Variants in FBLN1 observed in about 807,000 individuals in gnomAD.
FBLN1 encodes the protein fibulin 1.
FBLN1 carries 34 observed loss-of-function variants against 89.7 expected under a neutral mutation model. That is an observed-to-expected ratio of 0.38 (90% confidence interval 0.29 to 0.50). The LOEUF (loss-of-function observed/expected upper bound fraction) is 0.50, where lower values mean the gene tolerates loss of function less well. FBLN1 is among the 20% of genes least tolerant of loss of function. FBLN1 has a pLI of 0.92. For synonymous variants in FBLN1, 393 were observed against 391.3 expected (o/e 1.00, Z -0.05); for missense variants, 777 against 988.1 (o/e 0.79, Z 2.86).
At chr22:45,503,927 C>T (rs1414949834) in intron 1 of FBLN1, among the ~76,000 whole-genome samples, 1 of 152,142 alleles carries the variant, frequency 6.6e-6, no homozygotes, top group Non-Finnish European at 1.5e-5. Context: ...GGGGGACTGC[C>T]ACGAGGTCCT....
At chr22:45,521,714 C>T (rs546517327) in intron 2 of FBLN1, among the ~76,000 whole-genome samples, 12 of 152,268 alleles carry the variant, frequency 7.9e-5, no homozygotes, top group Admixed American at 2.6e-4. Flanking sequence ...AGCAGGACCC[C>T]GCCCCAGCCT....
At chr22:45,568,933 C>T (rs1238089292) in intron 14 of FBLN1, among the ~76,000 whole-genome samples, 1 of 152,244 alleles carries the variant, frequency 6.6e-6, no homozygotes, top group Non-Finnish European at 1.5e-5. Context: ...CTCGCAGCTA[C>T]ATCGCTGCAA....
chr22:45,551,043 C>T lies in FBLN1; in HGVS notation c.1697+428C>T, dbSNP rs190412876. The T allele has an allele frequency of 1.1e-4, 31 of 287,822 alleles. No homozygotes were observed. In the East Asian group the frequency reaches 2.3e-3, roughly 21 times the overall value. The allele number at this position is 287,822 out of a possible 1,614,324, so 17.8% of individuals were successfully genotyped here. ...CAGGGAGCCGATGTGACCTGTTGGA[C>T]GTTGTTGTTAGGTGCCCACCTGAAA... is the stretch of plus-strand genomic sequence containing the variant. On this transcript the variant is annotated intron_variant, in intron 14 of 16. Transcript: ENST00000327858.
chr22:45,520,480 C>CA (rs136722), intron 2 of FBLN1, among the ~76,000 whole-genome samples: 71,180 of 151,950 alleles, frequency 0.47, 17,366 homozygotes, highest in East Asian at 0.76. Context: ...CTTTGGATTA[C>CA]AGCCTGCCCT....
At position 45,600,416 on chromosome 22, in the gene FBLN1, C is replaced by T. The variant is rs764704261; in HGVS notation, c.2082C>T (p.Val694=). 1.2e-6 allele frequency: 2 copies of T among 1,614,096 alleles called. No individual in the cohort carries two copies. The highest frequency in any genetic ancestry group is 2.2e-5 in the East Asian group (1 of 44,896). The change falls in exon 17 of 17, where the codon GTC becomes GTT. Residue 694 remains valine, a synonymous_variant. Transcript: ENST00000327858. The part of the protein sequence containing the change: ...GVVSHRNVVN[V]HIFVSEYWF ...TCTCCCACCGAAATGTTGTCAACGT[C>T]CACATCTTCGTCTCTGAGTACTGGT...
At chr22:45,599,043 G>A (rs2089209415) in intron 16 of FBLN1, among the ~76,000 whole-genome samples, 1 of 152,100 alleles carries the variant, frequency 6.6e-6, no homozygotes, top group African/African-American at 2.4e-5. Flanking sequence ...GGAGATGGCG[G>A]GCCCAGGCTG....
At position 45,601,129 on chromosome 22, in the gene FBLN1, C is replaced by G. The variant is rs1920927018; in HGVS notation, c.*683C>G. ...TGGGAAAATAAACAACTTTGTGATC[C>G]TCCTGATGGCCTGTGCATGAGAGTC... On this transcript the variant is annotated 3_prime_UTR_variant, in exon 17 of 17. Transcript: ENST00000327858. The G allele has an allele frequency of 6.4e-6, 1 of 156,016 alleles. No individual in the cohort carries two copies. The highest frequency in any genetic ancestry group is 1.4e-5 in the Non-Finnish European group (1 of 70,596). The allele number at this position is 156,016 out of a possible 1,614,324, so 9.7% of individuals were successfully genotyped here.
Position 45,566,749 on chromosome 22 carries a change from CAG to C in FBLN1, c.1698-7757_1698-7756del, listed in dbSNP as rs2088904503. Among the ~76,000 whole-genome samples, 4 of 152,116 alleles carry C rather than the reference CAG, an allele frequency of 2.6e-5. No individual in the cohort carries two copies. The South Asian group carries it at 6.2e-4, about 24-fold the overall frequency. Reference sequence around the variant, plus strand: ...TTTCATTGAAATGGGGATGAAGATTCAGAGAGTTTGGAGGGATCCAAGGTCAT... The same window carrying C: ...TTTCATTGAAATGGGGATGAAGATTCAGAGTTTGGAGGGATCCAAGGTCAT... On this transcript the variant is annotated intron_variant, in intron 14 of 16. Coordinates refer to ENST00000327858, the MANE Select transcript of FBLN1 (RefSeq NM_006486.3).
chr22:45,560,580 C>T (rs1360170455), intron 14 of FBLN1, among the ~76,000 whole-genome samples: 2 of 152,148 alleles, frequency 1.3e-5, no homozygotes, highest in Admixed American at 6.5e-5. Context: ...TTTTAACTCC[C>T]CGAGTTGCAA....
rs537578542 is a variant in FBLN1 at position 45,533,966 on chromosome 22, A to G, written c.784+68A>G. 49 of 1,602,628 alleles carry G rather than the reference A, an allele frequency of 3.1e-5. No individual in the cohort carries two copies. In the East Asian group the frequency reaches 1.1e-3, roughly 35 times the overall value. On this transcript the variant is annotated intron_variant, in intron 7 of 16. Transcript: ENST00000327858. ...GTAGATACGGCGCGGTGGGAAGGGCAGCTCTGGGGTCTGGGCTCCCGCAGT... is the reference window on the plus strand; with the variant it reads ...GTAGATACGGCGCGGTGGGAAGGGCGGCTCTGGGGTCTGGGCTCCCGCAGT...
chr22:45,547,336 G>A, intron 12 of FBLN1, 132 bp downstream of exon 12: 1 of 1,139,816 alleles, frequency 8.8e-7, no homozygotes, highest in Non-Finnish European at 1.3e-6. Flanking sequence ...AACCTTCCAT[G>A]TCCACCCTTG....
chr22:45,576,618 T>C lies in FBLN1; in HGVS notation c.1841-359T>C, dbSNP rs2088999313. On this transcript the variant is annotated intron_variant, in intron 15 of 16. Transcript: ENST00000327858. This position sits in a 1 kb window ranked among gnomAD's most constrained non-coding sequence, Gnocchi z 5.2. ...GAGCCCACCCCTCTGGCCTTTCTGCTGTCTCCCTCTGTCCCCTCACTCGCT... is the reference window on the plus strand; with the variant it reads ...GAGCCCACCCCTCTGGCCTTTCTGCCGTCTCCCTCTGTCCCCTCACTCGCT... Among the ~76,000 whole-genome samples, 1 of 152,076 alleles carries C rather than the reference T, an allele frequency of 6.6e-6. No individual in the cohort carries two copies. Among genetic ancestry groups the C allele is most frequent in the Non-Finnish European group, 1.5e-5 (1 of 68,008 alleles).
At chr22:45,533,681 C>T in intron 6 of FBLN1, 80 bp from the exon 7 acceptor site, 1 of 1,556,498 alleles carries the variant, frequency 6.4e-7, no homozygotes, top group Middle Eastern at 1.7e-4. Context: ...TCCACCGTGG[C>T]TTTGGCACAT....
intron 1 of FBLN1, among the ~76,000 whole-genome samples, chr22:45,510,216 G>A (rs2088080664): frequency 6.6e-6 from 1 of 152,122 alleles, no homozygotes; most frequent in Non-Finnish European, 1.5e-5. Context: ...CCGGATTTTG[G>A]AAGGACGCGG....
At chr22:45,518,110 C>T (rs1449502918) in intron 1 of FBLN1, among the ~76,000 whole-genome samples, 7 of 131,300 alleles carry the variant, frequency 5.3e-5, no homozygotes, top group Non-Finnish European at 9.3e-5. Flanking sequence ...CCAGCCTGGG[C>T]GACAGAGACT....
chr22:45,503,149 G>A (rs2087970025), intron 1 of FBLN1, 85 bp downstream of exon 1: 1 of 1,052,606 alleles, frequency 9.5e-7, no homozygotes, highest in Non-Finnish European at 1.2e-6. Flanking sequence ...GAACCACGGG[G>A]ACTCGGAGTC....
At chr22:45,586,102 C>T (rs1212593719) in intron 16 of FBLN1, among the ~76,000 whole-genome samples, 1 of 152,204 alleles carries the variant, frequency 6.6e-6, no homozygotes, top group South Asian at 2.1e-4. Context: ...GGACCAGTCC[C>T]GGAAACCTCC....
chr22:45,526,724 T>C (rs553825685), intron 3 of FBLN1, among the ~76,000 whole-genome samples: 7 of 152,292 alleles, frequency 4.6e-5, no homozygotes, highest in Admixed American at 4.6e-4. Context: ...CCTTGGCCTG[T>C]GTGGGCTTTC....
rs1268994723 is a variant in FBLN1 at position 45,517,912 on chromosome 22, C to T, written c.80-770C>T. Among the ~76,000 whole-genome samples, 7 of 152,136 alleles carry T rather than the reference C, an allele frequency of 4.6e-5. No individual in the cohort carries two copies. The South Asian group carries it at 8.3e-4, about 18-fold the overall frequency. ...TTGGGAGGCCATGGCTGGCCAATCA[C>T]GCAAGTTCAGGAGTTCCAGACCAGC... On this transcript the variant is annotated intron_variant, in intron 1 of 16. Transcript: ENST00000327858.
Sources: gnomAD v4.1 joint callset for allele counts (sites outside exome capture counted in the v4.1 genomes callset) on GRCh38, gnomAD v4.1.1 for gene constraint, Gnocchi (gnomAD v3.1) non-coding constraint, MANE v1.5 for transcripts, NCBI Gene and HGNC (gene_info 2026-07-23, HGNC 2026-07-21) for gene names.